Variants in MANBA observed in about 807,000 individuals in gnomAD.
The protein encoded by MANBA is beta-mannosidase.
A neutral mutation model predicts 111.1 loss-of-function variants in MANBA; 83 were observed. The observed-to-expected ratio is 0.75, with a 90% CI of 0.63 to 0.90. MANBA has a LOEUF of 0.90. Among genes scored for constraint, MANBA ranks in the 40% least tolerant of loss-of-function variants. MANBA has a pLI of 0.00. For missense variants in MANBA, 1,036 were observed against 1,069.0 expected, an observed-to-expected ratio of 0.97 and a Z score of 0.43; for synonymous variants, 370 against 378.7, an observed-to-expected ratio of 0.98 and a Z score of 0.27.
rs372411276 is a variant in MANBA at position 102,727,683 on chromosome 4, T to C, written c.178-1000A>G. On this transcript the variant is annotated intron_variant, in intron 1 of 16. Transcript: ENST00000647097. The stretch of plus-strand genomic sequence containing the variant: ...TAAGTTGAACGCAGTCTCAGCAGAA[T>C]CTCCCTCAGGAGGATGGTTGTAGGT... 21 of 1,294,022 alleles carry C rather than the reference T, an allele frequency of 1.6e-5. No homozygotes were observed. In the East Asian group the frequency reaches 2.1e-4, roughly 13 times the overall value. The allele number at this position is 1,294,022 out of a possible 1,614,324, so 80.2% of individuals were successfully genotyped here. A position where few individuals can be genotyped will look rare whatever the true frequency, so the allele number is the denominator to read the frequency against.
chr4:102,714,305 A>G (rs1204489701), intron 5 of MANBA, 133 bp downstream of exon 5: 3 of 903,976 alleles, frequency 3.3e-6, no homozygotes, highest in Non-Finnish European at 5.2e-6. Context: ...TTTTACTTTT[A>G]TAAATTGATT....
At chr4:102,700,791 T>C (rs550966163) in intron 5 of MANBA, among the ~76,000 whole-genome samples, 1 of 152,336 alleles carries the variant, frequency 6.6e-6, no homozygotes, top group South Asian at 2.1e-4. Flanking sequence ...ATGTGGTCAA[T>C]TTTGGAATAG....
At chr4:102,750,415 GA>G (rs1723746941) in intron 1 of MANBA, among the ~76,000 whole-genome samples, 1 of 151,868 alleles carries the variant, frequency 6.6e-6, no homozygotes, top group Non-Finnish European at 1.5e-5. Context: ...ATAACAACCA[GA>G]AAACCTTCTG....
Position 102,757,537 on chromosome 4 carries a change from C to G in MANBA, c.177+3181G>C, listed in dbSNP as rs532899763. Among the ~76,000 whole-genome samples, 161 of 152,294 alleles carry G rather than the reference C, an allele frequency of 1.1e-3. 2 individuals carry two copies. Among genetic ancestry groups the G allele is most frequent in the Non-Finnish European group, 6.5e-4 (44 of 68,022 alleles). On this transcript the variant is annotated intron_variant, in intron 1 of 16. Transcript: ENST00000647097. Reference sequence around the variant, plus strand: ...ATCCTGGTATTTTCCTGCACCTCCCCCTTCTGTCTCCCAATCCATTAACAA... The same window carrying G: ...ATCCTGGTATTTTCCTGCACCTCCCGCTTCTGTCTCCCAATCCATTAACAA...
chr4:102,726,428 G>A (rs1419603319), intron 2 of MANBA, among the ~76,000 whole-genome samples, 161 bp downstream of exon 2: 1 of 151,190 alleles, frequency 6.6e-6, no homozygotes, highest in Non-Finnish European at 1.5e-5. Flanking sequence ...ATAGTACAAG[G>A]CTTTCATCTT....
intron 5 of MANBA, among the ~76,000 whole-genome samples, chr4:102,700,742 GTTC>G (rs1732992075): frequency 1.3e-5 from 2 of 152,106 alleles, no homozygotes; most frequent in South Asian, 4.1e-4. Flanking sequence ...TATAATTTAT[GTTC>G]TTCTACATTT....
chr4:102,752,037 A>G (rs1241437272), intron 1 of MANBA: 2 of 750,190 alleles, frequency 2.7e-6, no homozygotes, highest in South Asian at 2.7e-5. Flanking sequence ...ATAAGATGCT[A>G]AAGATCTGGT....
At chr4:102,745,440 C>T (rs886259680) in intron 1 of MANBA, among the ~76,000 whole-genome samples, 1 of 152,132 alleles carries the variant, frequency 6.6e-6, no homozygotes, top group Non-Finnish European at 1.5e-5. Flanking sequence ...GATGCAGTTG[C>T]CGCCATCACA....
At chr4:102,747,802 T>C (rs1288524346) in intron 1 of MANBA, among the ~76,000 whole-genome samples, 1 of 151,952 alleles carries the variant, frequency 6.6e-6, no homozygotes, top group African/African-American at 2.4e-5. Context: ...TTAAGGAGAG[T>C]CCTAATTTTC....
chr4:102,737,922 A>G (rs1184797572), intron 1 of MANBA, among the ~76,000 whole-genome samples: 2 of 152,188 alleles, frequency 1.3e-5, no homozygotes, highest in Non-Finnish European at 2.9e-5. Flanking sequence ...AAAGAGTCTG[A>G]GCTCAGACCC....
At position 102,731,969 on chromosome 4, in the gene MANBA, G is replaced by A. The variant is rs538972749; in HGVS notation, c.178-5286C>T. ...GTTGCCCAGGCTGGAGTGTAATGGC[G>A]CAATCCCAGCTCACTGCAACTTCAG... On this transcript the variant is annotated intron_variant, in intron 1 of 16. Coordinates refer to ENST00000647097, the MANE Select transcript of MANBA (RefSeq NM_005908.4). Among the ~76,000 whole-genome samples, 214 of 151,638 alleles carry A rather than the reference G, an allele frequency of 1.4e-3. No individual in the cohort carries two copies. The Middle Eastern group carries it at 0.017, about 12-fold the overall frequency.
At chr4:102,677,528 G>A (rs1731779930) in intron 7 of MANBA, among the ~76,000 whole-genome samples, 1 of 152,100 alleles carries the variant, frequency 6.6e-6, no homozygotes, top group African/African-American at 2.4e-5. Context: ...TTCACACAAA[G>A]TGCAAGATAG....
At chr4:102,748,093 G>A (rs1313645174) in intron 1 of MANBA, among the ~76,000 whole-genome samples, 2 of 152,216 alleles carry the variant, frequency 1.3e-5, no homozygotes, top group African/African-American at 2.4e-5. Context: ...GATGAAGCCA[G>A]GAGGTGACTG....
chr4:102,680,970 C>T lies in MANBA; in HGVS notation c.961-6900G>A, dbSNP rs60485645. On this transcript the variant is annotated intron_variant, in intron 7 of 16. Transcript: ENST00000647097. ...TCAATATAGGCCTATCTGACCAATT[C>T]ACACATTTGATCTCTGTTTAAAGTA... Among the ~76,000 whole-genome samples the T allele has an allele frequency of 9.5e-3, 1,450 of 152,302 alleles. 32 individuals are homozygous for T. Among genetic ancestry groups the T allele is most frequent in the African/African-American group, 0.033 (1,375 of 41,566 alleles).
At chr4:102,733,622 A>C (rs1195656952) in intron 1 of MANBA, among the ~76,000 whole-genome samples, 1 of 152,140 alleles carries the variant, frequency 6.6e-6, no homozygotes. Context: ...TGGCCTCCCA[A>C]AATGCTGAGA....
At chr4:102,699,760 C>T (rs1426989078) in intron 5 of MANBA, among the ~76,000 whole-genome samples, 1 of 150,888 alleles carries the variant, frequency 6.6e-6, no homozygotes, top group African/African-American at 2.4e-5. Context: ...TCCGGTTTGC[C>T]AGTATTTTAT....
At chr4:102,637,147 C>T (rs763771396) in intron 14 of MANBA, among the ~76,000 whole-genome samples, 2 of 152,192 alleles carry the variant, frequency 1.3e-5, no homozygotes, top group Non-Finnish European at 2.9e-5. Flanking sequence ...GTCCATTAAA[C>T]CTCTTTTTCT....
chr4:102,728,699 T>C, intron 1 of MANBA: 1 of 631,016 alleles, frequency 1.6e-6, no homozygotes, highest in Non-Finnish European at 2.8e-6. Flanking sequence ...TTCTGCTCTC[T>C]GGGAGAGTCG....
chr4:102,650,549 G>A lies in MANBA; in HGVS notation c.1857C>T (p.Ile619=), dbSNP rs141009346. The change falls in exon 13 of 17, where the codon ATC becomes ATT. Residue 619 remains isoleucine, a synonymous_variant. Coordinates refer to ENST00000647097, the MANE Select transcript of MANBA (RefSeq NM_005908.4). ...TDPLRTFKDT[I]YLTQVMQAQC... is the part of the protein sequence containing the mutation. Reference sequence around the variant, plus strand: ...GAAAACAACTTACCTGAGTAAGGTAGATGGTATCTTTAAATGTGCGTAATG... The same window carrying A: ...GAAAACAACTTACCTGAGTAAGGTAAATGGTATCTTTAAATGTGCGTAATG... The A allele has an allele frequency of 6.2e-7, 1 of 1,612,362 alleles. No individual in the cohort carries two copies. The highest frequency in any genetic ancestry group is 2.2e-5 in the East Asian group (1 of 44,874).
Sources: allele counts gnomAD v4.1 joint callset (sites outside exome capture counted in the v4.1 genomes callset), GRCh38; gene constraint gnomAD v4.1.1; transcripts MANE v1.5; gene names NCBI Gene and HGNC (gene_info 2026-07-23, HGNC 2026-07-21).